The following RPS6KA1 variants were observed in gnomAD, a reference collection of about 807,000 sequenced individuals.
The protein encoded by RPS6KA1 is ribosomal protein S6 kinase alpha-1.
RPS6KA1 carries 48 observed loss-of-function variants against 91.3 expected under a neutral mutation model. That is an observed-to-expected ratio of 0.53 (90% CI 0.42 to 0.67). RPS6KA1 has a LOEUF of 0.67. Ranked by LOEUF, RPS6KA1 falls within the 30% of genes least tolerant of loss-of-function variation. The probability of loss-of-function intolerance (pLI) is 0.00; values close to 1 mark genes in which losing one functional copy is unlikely to be tolerated. For missense variants in RPS6KA1, 719 were observed against 960.5 expected (o/e 0.75, Z 3.32); for synonymous variants, 359 against 384.7 (o/e 0.93, Z 0.78).
chr1:26,546,309 A>G (rs889730421), intron 2 of RPS6KA1, among the ~76,000 whole-genome samples: 1 of 152,154 alleles, frequency 6.6e-6, no homozygotes, highest in East Asian at 1.9e-4. Flanking sequence ...AAGTTTGGGA[A>G]GTTGAGCCAT....
chr1:26,562,825 C>CCTTTTTTTTTTTTTTTTTTTTTTT lies in RPS6KA1; in HGVS notation c.1590+1162_1590+1163insCTTTTTTTTTTTTTTTTTTTTTTT, dbSNP rs1553133561. 2.5e-5 allele frequency among the ~76,000 whole-genome samples: 2 copies of CCTTTTTTTTTTTTTTTTTTTTTTT among 81,432 alleles called. 1 individual carries two copies. Among genetic ancestry groups the CCTTTTTTTTTTTTTTTTTTTTTTT allele is most frequent in the Non-Finnish European group, 4.5e-5 (2 of 44,326 alleles). 53.4% of individuals were successfully genotyped at this position (81,432 alleles called of 152,430 possible). On this transcript the variant is annotated intron_variant, in intron 17 of 21. Transcript: ENST00000374168. The stretch of plus-strand genomic sequence containing the variant: ...ATAGACACATTTTTCTCCTATTGTC[C>CCTTTTTTTTTTTTTTTTTTTTTTT]TTTTTTTTTTTTTTTTTTTTTTTTT...
chr1:26,552,414 T>C (rs543399555), intron 6 of RPS6KA1, among the ~76,000 whole-genome samples: 26 of 148,410 alleles, frequency 1.8e-4, no homozygotes, highest in African/African-American at 6.2e-4. Context: ...AAAAAAGGAT[T>C]TGAGCTAGAA....
chr1:26,555,950 C>G lies in RPS6KA1; in HGVS notation c.916+325C>G, dbSNP rs1398047884. 1 of 429,378 alleles carries G rather than the reference C, an allele frequency of 2.3e-6. No homozygotes were observed. Among genetic ancestry groups the G allele is most frequent in the Non-Finnish European group, 4.3e-6 (1 of 233,120 alleles). 26.6% of individuals were successfully genotyped at this position (429,378 alleles called of 1,614,324 possible). On this transcript the variant is annotated intron_variant, in intron 11 of 21. Coordinates refer to ENST00000374168, the MANE Select transcript of RPS6KA1 (RefSeq NM_002953.4). This position sits in a 1 kb window ranked among gnomAD's most constrained non-coding sequence, Gnocchi z 4.3. The stretch of plus-strand genomic sequence containing the variant: ...GAGTCAGAAGGCATAGGTCCCAATC[C>G]CGGCTCTGTGTCAGGTCCCCACTGC...
intron 20 of RPS6KA1, 92 bp from the exon 21 acceptor site, chr1:26,573,132 G>A (rs2076264158): frequency 1.5e-6 from 2 of 1,359,422 alleles, no homozygotes; most frequent in South Asian, 1.3e-5. Flanking sequence ...GTTCAGGCGG[G>A]AGCTAGCAGG....
Position 26,551,758 on chromosome 1 carries a change from T to C in RPS6KA1, c.468+35T>C, listed in dbSNP as rs372842134. ...CATCTACTGCCAGAGGGCCCCGGGA[T>C]GGAGCTGAGGGACGACAAGTCCTCC... On this transcript the variant is annotated intron_variant, in intron 6 of 21. Coordinates refer to ENST00000374168, the MANE Select transcript of RPS6KA1 (RefSeq NM_002953.4). The surrounding 1 kb of genome is among the most constrained non-coding windows in gnomAD (Gnocchi z 4.5). 9 of 1,573,962 alleles carry C rather than the reference T, an allele frequency of 5.7e-6. No individual in the cohort carries two copies. Among genetic ancestry groups the C allele is most frequent in the Non-Finnish European group, 7.0e-6 (8 of 1,143,484 alleles).
At chr1:26,549,350 C>A (rs2076025730) in intron 4 of RPS6KA1, among the ~76,000 whole-genome samples, 1 of 151,856 alleles carries the variant, frequency 6.6e-6, no homozygotes, top group South Asian at 2.1e-4. Context: ...GTGGGTGGAT[C>A]ATTTGAGGTC....
intron 6 of RPS6KA1, among the ~76,000 whole-genome samples, chr1:26,552,125 C>T (rs1570439207): frequency 6.6e-6 from 1 of 152,296 alleles, no homozygotes; most frequent in African/African-American, 2.4e-5. Context: ...CGCAGCGGCT[C>T]ACGCCTGTTA....
At position 26,539,661 on chromosome 1, in the gene RPS6KA1, A is replaced by G. The variant is rs185361510; in HGVS notation, c.108+2692A>G. Among the ~76,000 whole-genome samples, 201 of 152,346 alleles carry G rather than the reference A, an allele frequency of 1.3e-3. 1 individual carries two copies. Among genetic ancestry groups the G allele is most frequent in the Admixed American group, 5.9e-3 (90 of 15,302 alleles). On this transcript the variant is annotated intron_variant, in intron 2 of 21. Coordinates refer to ENST00000374168, the MANE Select transcript of RPS6KA1 (RefSeq NM_002953.4). ...AATGCTTGTTTATTTTATTCATTTC[A>G]GGCAGAAAGCGGGATTTGGGATTTG...
chr1:26,573,368 C>A lies in RPS6KA1; in HGVS notation c.2085+7C>A. ...GGACCTACAGCTTGTGAAGGTATGG[C>A]CACCCTTGGGCTGCTGGGCATCTGG... On this transcript the variant is annotated splice_region_variant and intron_variant, in intron 21 of 21. Coordinates refer to ENST00000374168, the MANE Select transcript of RPS6KA1 (RefSeq NM_002953.4). 6.2e-7 allele frequency: 1 copy of A among 1,614,048 alleles called. No individual in the cohort carries two copies. Among genetic ancestry groups the A allele is most frequent in the Non-Finnish European group, 8.5e-7 (1 of 1,179,976 alleles).
intron 2 of RPS6KA1, among the ~76,000 whole-genome samples, chr1:26,537,615 C>T (rs1406018309): frequency 6.6e-6 from 1 of 152,238 alleles, no homozygotes; most frequent in Non-Finnish European, 1.5e-5. Context: ...CTTGTACACT[C>T]TGGGCCTTGG....
At chr1:26,531,283 C>G (rs887785280) in intron 1 of RPS6KA1, 2 of 152,730 alleles carry the variant, frequency 1.3e-5, no homozygotes, top group African/African-American at 4.8e-5. Context: ...GAGGTTCTCT[C>G]GCTGACTCAC....
chr1:26,532,394 G>C (rs904663647), intron 1 of RPS6KA1, among the ~76,000 whole-genome samples: 8 of 152,168 alleles, frequency 5.3e-5, no homozygotes, highest in African/African-American at 7.2e-5. Flanking sequence ...AGGCTTATGT[G>C]TTAATATCAG....
chr1:26,572,114 G>A (rs984478897), intron 19 of RPS6KA1, 62 bp from the exon 20 acceptor site: 66 of 1,442,644 alleles, frequency 4.6e-5, no homozygotes, highest in Middle Eastern at 3.6e-4. Context: ...GTCTCCCACC[G>A]CAGCCCCAGC....
rs1036832987 is a variant in RPS6KA1, at chr1:26,547,897, C to A, written c.307+627C>A. ...TCTTTAAATAAGTCAAGGCCGGGCG[C>A]GGTGGCTCACACCTGTAATCCCAGC... On this transcript the variant is annotated intron_variant, in intron 4 of 21. Coordinates refer to ENST00000374168, the MANE Select transcript of RPS6KA1 (RefSeq NM_002953.4). The surrounding 1 kb of genome is among the most constrained non-coding windows in gnomAD (Gnocchi z 4.1). Among the ~76,000 whole-genome samples the A allele has an allele frequency of 4.6e-5, 7 of 152,106 alleles. No homozygotes were observed. The highest frequency in any genetic ancestry group is 8.8e-5 in the Non-Finnish European group (6 of 68,024).
intron 17 of RPS6KA1, among the ~76,000 whole-genome samples, chr1:26,563,536 C>T (rs2076172995): frequency 6.6e-6 from 1 of 152,096 alleles, no homozygotes; most frequent in African/African-American, 2.4e-5. Context: ...CTCTTTTCTT[C>T]TTTTTTAAAA....
intron 1 of RPS6KA1, among the ~76,000 whole-genome samples, chr1:26,534,800 G>T (rs970642192): frequency 6.6e-6 from 1 of 152,184 alleles, no homozygotes; most frequent in Non-Finnish European, 1.5e-5. Flanking sequence ...CACAAGGTCA[G>T]GTTGCAAAAC....
chr1:26,550,563 C>T (rs1222261275), intron 4 of RPS6KA1, among the ~76,000 whole-genome samples: 1 of 152,224 alleles, frequency 6.6e-6, no homozygotes, highest in Non-Finnish European at 1.5e-5. Flanking sequence ...AAGTGATCCT[C>T]CTGCCTCAGC....
intron 13 of RPS6KA1, 82 bp downstream of exon 13, chr1:26,557,182 T>G (rs1239448786): frequency 9.0e-6 from 10 of 1,112,484 alleles, no homozygotes; most frequent in Non-Finnish European, 1.3e-5. Context: ...GGGGCAGAGA[T>G]AGTCAGGGAC....
intron 2 of RPS6KA1, among the ~76,000 whole-genome samples, chr1:26,542,540 C>T (rs2075956622): frequency 6.6e-6 from 1 of 152,224 alleles, no homozygotes; most frequent in Non-Finnish European, 1.5e-5. Flanking sequence ...CCTGGTCAAC[C>T]CCTGCCCCAT....
Sources: allele counts gnomAD v4.1 joint callset (sites outside exome capture counted in the v4.1 genomes callset), GRCh38; gene constraint gnomAD v4.1.1; non-coding constraint Gnocchi (gnomAD v3.1); transcripts MANE v1.5; gene names NCBI Gene and HGNC (gene_info 2026-07-23, HGNC 2026-07-21).